NR3C2: variants seen among roughly 807,000 people sequenced by gnomAD.
The protein encoded by NR3C2 is mineralocorticoid receptor.
NR3C2 carries 15 observed loss-of-function variants against 86.4 expected under a neutral mutation model. The ratio of observed to expected loss-of-function variants is 0.17; its 90% CI spans 0.12 to 0.27. The LOEUF is 0.27. Ranked by LOEUF, NR3C2 falls within the 10% of genes least tolerant of loss-of-function variation. The pLI, the probability that NR3C2 is intolerant of heterozygous loss-of-function variation, is 1.00. For synonymous variants in NR3C2, 458 were observed against 450.5 expected (o/e 1.02, Z -0.21); for missense variants, 960 against 1,195.6 (o/e 0.80, Z 2.91).
intron 2 of NR3C2, among the ~76,000 whole-genome samples, chr4:148,396,091 T>C (rs1747846021): frequency 6.6e-6 from 1 of 152,122 alleles, no homozygotes. Context: ...GACAGGAAAA[T>C]GGGCAATTTA....
intron 2 of NR3C2, among the ~76,000 whole-genome samples, chr4:148,374,448 G>C (rs188739415): frequency 6.6e-6 from 1 of 152,260 alleles, no homozygotes; most frequent in East Asian, 1.9e-4. Flanking sequence ...CTCAAGGTCA[G>C]ATTATTATTC....
chr4:148,369,194 C>A (rs961931687), intron 2 of NR3C2, among the ~76,000 whole-genome samples: 1 of 152,170 alleles, frequency 6.6e-6, no homozygotes, highest in Non-Finnish European at 1.5e-5. Context: ...ATTACCAGGG[C>A]AAATATCTAA....
At chr4:148,225,433 A>G (rs1180356447) in intron 3 of NR3C2, among the ~76,000 whole-genome samples, 1 of 152,136 alleles carries the variant, frequency 6.6e-6, no homozygotes, top group Non-Finnish European at 1.5e-5. Flanking sequence ...CTCAAAAGAC[A>G]CATATAAAAA....
chr4:148,300,220 C>T (rs1274611089), intron 2 of NR3C2, among the ~76,000 whole-genome samples: 2 of 152,174 alleles, frequency 1.3e-5, no homozygotes, highest in Non-Finnish European at 2.9e-5. Flanking sequence ...GCGATGGTGG[C>T]CCAGGTTCAG....
intron 2 of NR3C2, among the ~76,000 whole-genome samples, chr4:148,314,993 C>G (rs536295000): frequency 6.6e-6 from 1 of 152,162 alleles, no homozygotes; most frequent in Non-Finnish European, 1.5e-5. Context: ...AAGTCAAACA[C>G]TCTTATTTAT....
At chr4:148,188,259 G>A (rs1037266410) in intron 4 of NR3C2, among the ~76,000 whole-genome samples, 1 of 152,092 alleles carries the variant, frequency 6.6e-6, no homozygotes, top group African/African-American at 2.4e-5. Context: ...GAAGAATGAT[G>A]GTGGTATTCT....
At chr4:148,082,355 C>A (rs992651674) in intron 8 of NR3C2, among the ~76,000 whole-genome samples, 33 of 152,192 alleles carry the variant, frequency 2.2e-4, no homozygotes, top group Admixed American at 2.0e-3. Flanking sequence ...GCATTTCCAA[C>A]TGAGGTACCC....
intron 2 of NR3C2, among the ~76,000 whole-genome samples, chr4:148,294,155 C>G (rs1402117397): frequency 6.6e-6 from 1 of 152,170 alleles, no homozygotes; most frequent in East Asian, 1.9e-4. Context: ...ATTTTTTCCA[C>G]TTAGCAATAC....
Position 148,090,942 on chromosome 4 carries a change from C to T in NR3C2, c.2800-9443G>A, listed in dbSNP as rs144507528. ...CAGCAGGTGGCATTGGCCTGGCAGCCGGGGGCTGGGCATTTGACTCTGTAA... is the reference window on the plus strand; with the variant it reads ...CAGCAGGTGGCATTGGCCTGGCAGCTGGGGGCTGGGCATTTGACTCTGTAA... On this transcript the variant is annotated intron_variant, in intron 8 of 8. Coordinates refer to ENST00000358102, the MANE Select transcript of NR3C2 (RefSeq NM_000901.5). Among the ~76,000 whole-genome samples, 249 of 152,276 alleles carry T rather than the reference C, an allele frequency of 1.6e-3. 1 individual carries two copies. The highest frequency in any genetic ancestry group is 2.9e-3 in the Non-Finnish European group (199 of 68,004).
At chr4:148,178,108 C>CG (rs1398474347) in intron 4 of NR3C2, among the ~76,000 whole-genome samples, 3 of 152,164 alleles carry the variant, frequency 2.0e-5, no homozygotes, top group Non-Finnish European at 4.4e-5. Context: ...GAGGCCAAGG[C>CG]GGGGGAATCC....
chr4:148,214,767 G>C (rs769549998), intron 3 of NR3C2, among the ~76,000 whole-genome samples: 1 of 152,194 alleles, frequency 6.6e-6, no homozygotes, highest in Non-Finnish European at 1.5e-5. Context: ...TGCAGGCTCC[G>C]TGTTGCCAGA....
At chr4:148,398,387 G>C (rs1231723509) in intron 2 of NR3C2, among the ~76,000 whole-genome samples, 1 of 152,180 alleles carries the variant, frequency 6.6e-6, no homozygotes, top group Non-Finnish European at 1.5e-5. Context: ...ATTGAGGGCA[G>C]TACATTCTTT....
At chr4:148,368,343 C>T (rs998087794) in intron 2 of NR3C2, 1 of 152,132 alleles carries the variant, frequency 6.6e-6, no homozygotes, top group African/African-American at 2.4e-5. Context: ...ACAATAGTTA[C>T]TTAGTTCTTG....
intron 3 of NR3C2, among the ~76,000 whole-genome samples, chr4:148,232,797 A>T (rs1738533539): frequency 6.6e-6 from 1 of 152,246 alleles, no homozygotes; most frequent in Non-Finnish European, 1.5e-5. Context: ...TCTTCTGGAT[A>T]ACTTGCTACA....
intron 2 of NR3C2, among the ~76,000 whole-genome samples, chr4:148,299,375 C>T (rs185502620): frequency 6.6e-6 from 1 of 152,166 alleles, no homozygotes; most frequent in Non-Finnish European, 1.5e-5. Flanking sequence ...CCCTGTCGCT[C>T]TGGGGGGTTA....
intron 6 of NR3C2, among the ~76,000 whole-genome samples, chr4:148,142,564 G>A (rs890185612): frequency 3.3e-5 from 5 of 152,038 alleles, no homozygotes; most frequent in African/African-American, 1.2e-4. Context: ...GCGCAACCAC[G>A]GCTCCCTGCA....
At chr4:148,115,222 T>C (rs1732221661) in intron 7 of NR3C2, among the ~76,000 whole-genome samples, 2 of 152,246 alleles carry the variant, frequency 1.3e-5, no homozygotes, top group African/African-American at 4.8e-5. Flanking sequence ...AAGGAATACT[T>C]TGAAATTCAG....
At chr4:148,158,030 T>A (rs1734483853) in intron 4 of NR3C2, among the ~76,000 whole-genome samples, 1 of 152,188 alleles carries the variant, frequency 6.6e-6, no homozygotes, top group African/African-American at 2.4e-5. Context: ...AATAATTAAT[T>A]TATAGACTAT....
At chr4:148,157,211 C>T (rs570438088) in intron 4 of NR3C2, among the ~76,000 whole-genome samples, 5 of 149,620 alleles carry the variant, frequency 3.3e-5, no homozygotes, top group African/African-American at 9.8e-5. Context: ...TGCTAAATGA[C>T]GAGTTAATGG....
Sources: allele counts gnomAD v4.1 joint callset (sites outside exome capture counted in the v4.1 genomes callset), GRCh38; gene constraint gnomAD v4.1.1; transcripts MANE v1.5; gene names NCBI Gene and HGNC (gene_info 2026-07-23, HGNC 2026-07-21).